Variants in CACNA2D1 observed in about 807,000 individuals in gnomAD.
The protein encoded by CACNA2D1 is voltage-dependent calcium channel subunit alpha-2/delta-1.
CACNA2D1 carries 53 observed loss-of-function variants against 171.5 expected under a neutral mutation model. The ratio of observed to expected loss-of-function variants is 0.31; its 90% CI spans 0.25 to 0.39. The LOEUF is 0.39. CACNA2D1 is among the 10% of genes least tolerant of loss of function. The probability of loss-of-function intolerance (pLI) is 1.00; values close to 1 mark genes in which losing one functional copy is unlikely to be tolerated. For synonymous variants in CACNA2D1, 442 were observed against 443.1 expected, an observed-to-expected ratio of 1.00 and a Z score of 0.03; for missense variants, 903 against 1,299.8, an observed-to-expected ratio of 0.69 and a Z score of 4.69.
intron 3 of CACNA2D1, among the ~76,000 whole-genome samples, chr7:82,261,244 C>T (rs1478761113): frequency 2.6e-5 from 4 of 152,222 alleles, no homozygotes; most frequent in African/African-American, 4.8e-5. Flanking sequence ...CATGGGCCGC[C>T]GCACCCGGCC....
intron 5 of CACNA2D1, among the ~76,000 whole-genome samples, chr7:82,134,160 A>T (rs1390978276): frequency 6.6e-6 from 1 of 152,162 alleles, no homozygotes; most frequent in Non-Finnish European, 1.5e-5. Flanking sequence ...ACATGCTTAT[A>T]GTAGGGTAAA....
intron 7 of CACNA2D1, among the ~76,000 whole-genome samples, chr7:82,073,471 A>C (rs1808564529): frequency 6.6e-6 from 1 of 152,240 alleles, no homozygotes; most frequent in Admixed American, 6.5e-5. Flanking sequence ...TGGCATATGC[A>C]AAATAAATTC....
rs963893766 is a variant in CACNA2D1 at position 81,948,191 on chromosome 7, C to T, written c.*2201G>A. On this transcript the variant is annotated 3_prime_UTR_variant, in exon 39 of 39. Transcript: ENST00000356860. ...CTAACAATTTTATATTTTGATACCC[C>T]CTTCCCAACACTATCATGATTTAAG... 1 of 151,676 alleles carries T rather than the reference C, an allele frequency of 6.6e-6. No homozygotes were observed. Among genetic ancestry groups the T allele is most frequent in the Non-Finnish European group, 1.5e-5 (1 of 67,760 alleles). The allele number at this position is 151,676 out of a possible 1,614,324, so 9.4% of individuals were successfully genotyped here.
intron 38 of CACNA2D1, 68 bp downstream of exon 38, chr7:81,959,207 T>A (rs940379055): frequency 1.8e-6 from 2 of 1,122,640 alleles, no homozygotes; most frequent in African/African-American, 3.0e-5. Context: ...GCAATTTGTA[T>A]CCTTGAATTC....
At position 82,111,401 on chromosome 7, in the gene CACNA2D1, T is replaced by C. The variant is rs1271815561; in HGVS notation, c.526+5643A>G. ...TCATATATGTGTATATATGTATATA[T>C]ATATTCATATATGTGTATATATGTG... On this transcript the variant is annotated intron_variant, in intron 6 of 38. Transcript: ENST00000356860. Among the ~76,000 whole-genome samples, 8 of 93,088 alleles carry C rather than the reference T, an allele frequency of 8.6e-5. 1 individual carries two copies. Among genetic ancestry groups the C allele is most frequent in the African/African-American group, 3.0e-4 (8 of 26,986 alleles). The allele number at this position is 93,088 out of a possible 152,430, so 61.1% of individuals were successfully genotyped here.
chr7:82,323,979 T>C (rs1177704984), intron 3 of CACNA2D1, among the ~76,000 whole-genome samples: 2 of 152,222 alleles, frequency 1.3e-5, no homozygotes, highest in African/African-American at 4.8e-5. Context: ...AAAGTGCCTT[T>C]GTTCAAATAC....
At chr7:82,334,397 C>T (rs1817738277) in intron 3 of CACNA2D1, among the ~76,000 whole-genome samples, 1 of 152,132 alleles carries the variant, frequency 6.6e-6, no homozygotes, top group Admixed American at 6.5e-5. Context: ...CAGCACTATT[C>T]ATAATAGTAT....
chr7:82,014,397 T>C lies in CACNA2D1; in HGVS notation c.1222+4A>G. ...AATTTATTAGAAGAAAACAGATTTGTTACCTTTGTTTTCACAGGCCATCCA... is the reference window on the plus strand; with the variant it reads ...AATTTATTAGAAGAAAACAGATTTGCTACCTTTGTTTTCACAGGCCATCCA... On this transcript the variant is annotated splice_donor_region_variant and intron_variant, in intron 13 of 38. Coordinates refer to ENST00000356860, the MANE Select transcript of CACNA2D1 (RefSeq NM_000722.4). 1 of 1,505,592 alleles carries C rather than the reference T, an allele frequency of 6.6e-7. No homozygotes were observed. Among genetic ancestry groups the C allele is most frequent in the Non-Finnish European group, 9.2e-7 (1 of 1,081,274 alleles). The allele number at this position is 1,505,592 out of a possible 1,614,324, so 93.3% of individuals were successfully genotyped here.
At chr7:82,011,550 TTTG>T (rs1255284600) in intron 15 of CACNA2D1, among the ~76,000 whole-genome samples, 7 of 152,186 alleles carry the variant, frequency 4.6e-5, no homozygotes, top group African/African-American at 1.7e-4. Flanking sequence ...TTAACATGTG[TTTG>T]TTATTTCACA....
Position 82,349,585 on chromosome 7 carries a change from C to T in CACNA2D1, c.160G>A (p.Val54Ile), listed in dbSNP as rs1260434542. Residue 54 changes from valine to isoleucine, a missense_variant, in exon 2 of 39, where the codon GTC becomes ATC. Coordinates refer to ENST00000356860, the MANE Select transcript of CACNA2D1 (RefSeq NM_000722.4). ...TTACTCACATCAACAAGCTGATTGA[C>T]TCCACTTGCTGTTTTTGCCAGTGTG... ...LVTLAKTASG[V>I]NQLVDIYEKY... 6.2e-7 allele frequency: 1 copy of T among 1,613,668 alleles called. No individual in the cohort carries two copies. Among genetic ancestry groups the T allele is most frequent in the South Asian group, 1.1e-5 (1 of 91,070 alleles).
chr7:82,176,840 T>C (rs899482354), intron 3 of CACNA2D1, among the ~76,000 whole-genome samples: 2 of 152,000 alleles, frequency 1.3e-5, no homozygotes, highest in Admixed American at 1.3e-4. Context: ...TCATATACCA[T>C]ATACATCATA....
At chr7:82,411,055 C>G (rs183573277) in intron 1 of CACNA2D1, among the ~76,000 whole-genome samples, 1 of 152,106 alleles carries the variant, frequency 6.6e-6, no homozygotes, top group Non-Finnish European at 1.5e-5. Flanking sequence ...TTGAGAGAAG[C>G]AAGAGTTTTA....
At chr7:81,969,806 G>T (rs188655881) in intron 28 of CACNA2D1, 75 bp downstream of exon 28, 7 of 802,802 alleles carry the variant, frequency 8.7e-6, no homozygotes, top group African/African-American at 3.4e-5. Context: ...GTAGTGATTT[G>T]GGGGGAGAGC....
chr7:82,150,290 A>AAC (rs1793708883), intron 4 of CACNA2D1, among the ~76,000 whole-genome samples: 1 of 133,678 alleles, frequency 7.5e-6, no homozygotes, highest in Non-Finnish European at 1.6e-5. Context: ...AACAAAAAAA[A>AAC]ACACCCTAGT....
intron 19 of CACNA2D1, among the ~76,000 whole-genome samples, chr7:81,995,377 A>T (rs1300497652): frequency 2.0e-5 from 3 of 152,156 alleles, no homozygotes; most frequent in Non-Finnish European, 4.4e-5. Context: ...TACACTTTTT[A>T]GTTTGTAATT....
chr7:82,373,642 T>C (rs994597748), intron 1 of CACNA2D1, among the ~76,000 whole-genome samples: 7 of 152,328 alleles, frequency 4.6e-5, no homozygotes, highest in African/African-American at 9.6e-5. Flanking sequence ...ATAAAAATTA[T>C]GCCTACAATC....
chr7:82,089,551 T>C (rs117351899), intron 6 of CACNA2D1, among the ~76,000 whole-genome samples: 2,193 of 152,304 alleles, frequency 0.014, 28 homozygotes, highest in Middle Eastern at 0.027. Flanking sequence ...AAGCCAAGCA[T>C]ACATCTCTAT....
In CACNA2D1 at chr7:82,255,800, T is replaced by G. The variant is rs551253982; in HGVS notation, c.294+79335A>C. Among the ~76,000 whole-genome samples, 21 of 152,328 alleles carry G rather than the reference T, an allele frequency of 1.4e-4. No individual in the cohort carries two copies. The South Asian group carries it at 4.3e-3, about 32-fold the overall frequency. ...CTATGATGTCCCTTCTTTCCTTGTT[T>G]GAATTACTGACCAACTGCCCTACAG... On this transcript the variant is annotated intron_variant, in intron 3 of 38. Transcript: ENST00000356860.
chr7:82,390,610 G>A (rs1449223963), intron 1 of CACNA2D1, among the ~76,000 whole-genome samples: 1 of 152,104 alleles, frequency 6.6e-6, no homozygotes, highest in East Asian at 1.9e-4. Flanking sequence ...AGTGGTTTAT[G>A]GAGCCATTAC....
Sources: gnomAD v4.1 joint callset for allele counts (sites outside exome capture counted in the v4.1 genomes callset) on GRCh38, gnomAD v4.1.1 for gene constraint, MANE v1.5 for transcripts, NCBI Gene and HGNC (gene_info 2026-07-23, HGNC 2026-07-21) for gene names.